RUFY2: variants seen among roughly 807,000 people sequenced by gnomAD.
RUFY2 encodes the protein RUN and FYVE domain-containing protein 2.
RUFY2 carries 49 observed loss-of-function variants against 94.4 expected under a neutral mutation model. The observed-to-expected ratio is 0.52, with a 90% CI of 0.41 to 0.66. RUFY2 has a LOEUF of 0.66. RUFY2 is among the 30% of genes least tolerant of loss of function. The probability of loss-of-function intolerance (pLI) is 0.00; values close to 1 mark genes in which losing one functional copy is unlikely to be tolerated. For missense variants in RUFY2, 541 were observed against 692.8 expected (o/e 0.78, Z 2.46); for synonymous variants, 255 against 235.7 (o/e 1.08, Z -0.75).
At chr10:68,390,733 C>CT (rs2049911079) in intron 7 of RUFY2, among the ~76,000 whole-genome samples, 1 of 151,708 alleles carries the variant, frequency 6.6e-6, no homozygotes, top group Admixed American at 6.6e-5. Flanking sequence ...GTAGCTAGGA[C>CT]TATAGACATG....
At chr10:68,366,330 C>CAAAA (rs374353912) in intron 13 of RUFY2, among the ~76,000 whole-genome samples, 4 of 55,276 alleles carry the variant, frequency 7.2e-5, no homozygotes, top group Admixed American at 2.4e-4. Context: ...AACTCCATCT[C>CAAAA]AAAAAAAAAA....
At chr10:68,393,965 G>A in intron 6 of RUFY2, 110 bp downstream of exon 6, 1 of 1,418,148 alleles carries the variant, frequency 7.1e-7, no homozygotes, top group Non-Finnish European at 9.3e-7. Context: ...AGAAGTCACA[G>A]GGGGGAAAAC....
chr10:68,351,854 C>T (rs1290522403), intron 16 of RUFY2, among the ~76,000 whole-genome samples: 8 of 151,138 alleles, frequency 5.3e-5, no homozygotes, highest in Admixed American at 2.6e-4. Flanking sequence ...GTCAGGAGTT[C>T]GAGACCAGCT....
At chr10:68,403,695 A>G (rs2051041900) in intron 2 of RUFY2, among the ~76,000 whole-genome samples, 1 of 152,224 alleles carries the variant, frequency 6.6e-6, no homozygotes, top group Non-Finnish European at 1.5e-5. Flanking sequence ...TGAGTATGCT[A>G]ATAACATCAC....
downstream of RUFY2, chr10:68,341,463 C>T (rs1278454425): frequency 1.0e-6 from 1 of 988,762 alleles, no homozygotes; most frequent in Non-Finnish European, 1.5e-6. Context: ...TATCGCTGTA[C>T]TAGTAATTAA....
Position 68,349,834 on chromosome 10 carries a change from G to A in RUFY2, c.1600-3750C>T, listed in dbSNP as rs1023970119. Among the ~76,000 whole-genome samples, 13 of 151,872 alleles carry A rather than the reference G, an allele frequency of 8.6e-5. No individual in the cohort carries two copies. In the South Asian group the frequency reaches 2.1e-3, roughly 24 times the overall value. ...ATTACAGGCGTGAGCCACCGCGCCC[G>A]GCCAGAAAAAATTTTTTAAATAATA... On this transcript the variant is annotated intron_variant, in intron 16 of 17. Transcript: ENST00000602465.
At chr10:68,384,284 A>G in intron 8 of RUFY2, 132 bp from the exon 9 acceptor site, 2 of 1,210,966 alleles carry the variant, frequency 1.7e-6, no homozygotes, top group South Asian at 3.7e-5. Flanking sequence ...CATTCACAGA[A>G]ACGTTCATAA....
At position 68,384,104 on chromosome 10, in the gene RUFY2, G is replaced by C; in HGVS notation, c.769C>G (p.Gln257Glu). Residue 257 changes from glutamine (Q) to glutamate (E), a missense_variant, in exon 9 of 18, where the codon CAA becomes GAA. Physicochemically the swap from Gln to Glu is conservative, Grantham distance 29. This residue lies in a region of RUFY2 where 403 missense variants were observed against 480.7 expected (regional missense o/e 0.84). Coordinates refer to ENST00000602465, the MANE Select transcript of RUFY2 (RefSeq NM_001330103.2). ...NIIKLQEENH[Q>E]LRSENKLILM... ...ATCAATTTATTTTCACTTCGTAATT[G>C]ATGATTTTCTTCCTGGAGTTTAATG... The C allele has an allele frequency of 1.2e-6, 2 of 1,612,550 alleles. No homozygotes were observed. The highest frequency in any genetic ancestry group is 2.2e-5 in the South Asian group (2 of 90,986).
At chr10:68,369,208 G>A (rs569197436) in intron 13 of RUFY2, among the ~76,000 whole-genome samples, 7 of 152,306 alleles carry the variant, frequency 4.6e-5, no homozygotes, top group African/African-American at 7.2e-5. Context: ...AGGCCTTGCC[G>A]GCACAGTGGC....
rs1300960771 is a variant in RUFY2, at chr10:68,344,634, A to C, written c.*1134T>G. 1 of 152,718 alleles carries C rather than the reference A, an allele frequency of 6.5e-6. No homozygotes were observed. The highest frequency in any genetic ancestry group is 2.4e-5 in the African/African-American group (1 of 41,440). 9.5% of individuals were successfully genotyped at this position (152,718 alleles called of 1,614,324 possible). On this transcript the variant is annotated 3_prime_UTR_variant, in exon 18 of 18. Transcript: ENST00000602465. ...AGAATTGCTTGAACCCAGGAGGTGG[A>C]GATCGTGCCATTGCACTCCAGCCTA...
rs1055251068 is a variant in RUFY2, at chr10:68,368,697, GAGA to G, written c.1326-4587_1326-4585del. ...ACAAGAGAAGACTCCAGAAAGTAAA[GAGA>G]AGAAGTTTGATCAGCTAGGAACTCC... is the stretch of plus-strand genomic sequence containing the variant. On this transcript the variant is annotated intron_variant, in intron 13 of 17. Transcript: ENST00000602465. Among the ~76,000 whole-genome samples the G allele has an allele frequency of 1.1e-3, 171 of 152,220 alleles. 2 individuals carry two copies. The highest frequency in any genetic ancestry group is 6.2e-4 in the South Asian group (3 of 4,816).
intron 2 of RUFY2, among the ~76,000 whole-genome samples, chr10:68,402,119 T>C (rs2050893916): frequency 6.6e-6 from 1 of 151,740 alleles, no homozygotes; most frequent in Non-Finnish European, 1.5e-5. Context: ...TTTTTTATAA[T>C]GCCTTTTTTT....
chr10:68,370,286 A>T (rs2048168262), intron 13 of RUFY2, among the ~76,000 whole-genome samples: 1 of 152,086 alleles, frequency 6.6e-6, no homozygotes, highest in African/African-American at 2.4e-5. Context: ...ACTCTGTCTC[A>T]AAAAAACAGA....
At chr10:68,402,839 C>CTTTTTT (rs68013041) in intron 2 of RUFY2, among the ~76,000 whole-genome samples, 2 of 109,878 alleles carry the variant, frequency 1.8e-5, no homozygotes, top group African/African-American at 4.0e-5. Context: ...CAAGCCATAT[C>CTTTTTT]TTTTTTTTTT....
At chr10:68,406,953 C>T in intron 1 of RUFY2, 3 of 1,550,400 alleles carry the variant, frequency 1.9e-6, no homozygotes, top group Non-Finnish European at 2.6e-6. Flanking sequence ...GAGCCCTCGG[C>T]CACTATGCCT....
intron 15 of RUFY2, among the ~76,000 whole-genome samples, chr10:68,359,391 CGT>C (rs1491499348): frequency 2.1e-5 from 3 of 143,536 alleles, no homozygotes; most frequent in African/African-American, 8.1e-5. Context: ...TGTATATATA[CGT>C]ATATATACAT....
intron 1 of RUFY2, chr10:68,405,638 T>C (rs2051233428): frequency 1.1e-6 from 1 of 892,502 alleles, no homozygotes; most frequent in African/African-American, 1.8e-5. Flanking sequence ...TCCAGTGTCA[T>C]CCACAACAAA....
intron 6 of RUFY2, chr10:68,393,741 A>T (rs1313864071): frequency 3.4e-6 from 1 of 291,876 alleles, no homozygotes; most frequent in East Asian, 1.5e-4. Flanking sequence ...AAAAAAAAAA[A>T]CATAGTTCGA....
intron 15 of RUFY2, among the ~76,000 whole-genome samples, chr10:68,361,768 T>C (rs113794063): frequency 1.1e-3 from 167 of 152,364 alleles, no homozygotes; most frequent in African/African-American, 3.9e-3. Flanking sequence ...TCTAGTATGA[T>C]TTCTACTTAA....
Sources: gnomAD v4.1 joint callset for allele counts (sites outside exome capture counted in the v4.1 genomes callset) on GRCh38, gnomAD v4.1.1 for gene constraint, gnomAD v4.1.1 regional missense constraint, MANE v1.5 for transcripts, NCBI Gene and HGNC (gene_info 2026-07-23, HGNC 2026-07-21) for gene names.